The following PHLPP1 variants were observed in gnomAD, a reference collection of about 807,000 sequenced individuals.
PHLPP1 encodes PH domain and leucine rich repeat protein phosphatase 1.
In PHLPP1, 42 loss-of-function variants were observed where a neutral mutation model predicts 117.2. The observed-to-expected ratio is 0.36, with a 90% CI of 0.28 to 0.46. The LOEUF is 0.46. Ranked by LOEUF, PHLPP1 falls within the 20% of genes least tolerant of loss-of-function variation. The pLI is 1.00. For missense variants in PHLPP1, 2,084 were observed against 2,241.9 expected, an observed-to-expected ratio of 0.93 and a Z score of 1.42; for synonymous variants, 1,042 against 970.7, an observed-to-expected ratio of 1.07 and a Z score of -1.37.
At position 62,923,188 on chromosome 18, in the gene PHLPP1, C is replaced by T. The variant is rs74888681; in HGVS notation, c.2960+3074C>T. ...CAGCTGCATTTTTGAAAACAGGGAC[C>T]GTGGGGGACAATTTGCCAGCCTTTG... On this transcript the variant is annotated intron_variant, in intron 10 of 16. Transcript: ENST00000262719. Among the ~76,000 whole-genome samples, 1,520 of 152,154 alleles carry T rather than the reference C, an allele frequency of 1.0e-2. 12 individuals carry two copies. Among genetic ancestry groups the T allele is most frequent in the Non-Finnish European group, 0.016 (1,109 of 67,990 alleles).
intron 8 of PHLPP1, among the ~76,000 whole-genome samples, 200 bp from the exon 9 acceptor site, chr18:62,914,713 C>G (rs1339924989): frequency 6.6e-6 from 1 of 152,218 alleles, no homozygotes; most frequent in Non-Finnish European, 1.5e-5. Context: ...TCTGCCTCTT[C>G]CTTACTTTTT....
chr18:62,884,653 G>GC (rs777487505), intron 4 of PHLPP1, among the ~76,000 whole-genome samples: 2 of 152,202 alleles, frequency 1.3e-5, no homozygotes, highest in Non-Finnish European at 2.9e-5. Context: ...GCTAGCATGT[G>GC]CCCCACAGAG....
intron 3 of PHLPP1, among the ~76,000 whole-genome samples, chr18:62,849,832 A>AAAAAATATATAT (rs1555677083): frequency 6.0e-5 from 2 of 33,076 alleles, no homozygotes; most frequent in Non-Finnish European, 1.1e-4. Flanking sequence ...AAAAAAAAAA[A>AAAAAATATATAT]ATATATATAT....
intron 1 of PHLPP1, among the ~76,000 whole-genome samples, chr18:62,728,481 A>T (rs2122056409): frequency 6.6e-6 from 1 of 151,716 alleles, no homozygotes; most frequent in Non-Finnish European, 1.5e-5. Flanking sequence ...GGTCATTGTG[A>T]AGCACATATG....
At chr18:62,923,934 G>A (rs1352056443) in intron 10 of PHLPP1, among the ~76,000 whole-genome samples, 3 of 152,206 alleles carry the variant, frequency 2.0e-5, no homozygotes, top group Non-Finnish European at 4.4e-5. Flanking sequence ...GTTCAATGTA[G>A]CAGACATCTC....
In PHLPP1 at chr18:62,979,214, G is replaced by A. The variant is rs769779242; in HGVS notation, c.4937G>A (p.Arg1646Gln). The A allele has an allele frequency of 1.1e-5, 18 of 1,610,068 alleles. No homozygotes were observed. The highest frequency in any genetic ancestry group is 1.7e-5 in the Admixed American group (1 of 59,416). ...GAGGTGGCTACAGACGCACCTCTTC[G>A]AAAGCCTGGAGGCTATTTTGCTGCC... ...VIEVATDAPLRKPGGYFAAPA... is the reference protein window; with the variant it reads ...VIEVATDAPLQKPGGYFAAPA... Residue 1646 changes from arginine to glutamine, a missense_variant, in exon 17 of 17, where the codon CGA becomes CAA. Around this residue, in one of 2 missense-constraint regions of PHLPP1, gnomAD observed 1,365 missense variants for 1,605.9 expected, o/e 0.85. Transcript: ENST00000262719.
rs1599062953 is a variant in PHLPP1, at chr18:62,817,743, G to A, written c.1577-12292G>A. Among the ~76,000 whole-genome samples, 5 of 151,504 alleles carry A rather than the reference G, an allele frequency of 3.3e-5. No individual in the cohort carries two copies. In the South Asian group the frequency reaches 6.3e-4, roughly 19 times the overall value. ...CTTGAGCACATGAAACATGAAGTAT[G>A]CTAAGAAGCATAATTAAATTGCTTA... On this transcript the variant is annotated intron_variant, in intron 1 of 16. Transcript: ENST00000262719.
At chr18:62,913,147 C>T (rs1917005104) in intron 8 of PHLPP1, among the ~76,000 whole-genome samples, 1 of 152,166 alleles carries the variant, frequency 6.6e-6, no homozygotes, top group South Asian at 2.1e-4. Flanking sequence ...CGTGCTGTCA[C>T]CTATCACAGT....
At chr18:62,914,316 T>C (rs1568159809) in intron 8 of PHLPP1, among the ~76,000 whole-genome samples, 1 of 152,248 alleles carries the variant, frequency 6.6e-6, no homozygotes, top group Non-Finnish European at 1.5e-5. Flanking sequence ...ATAACACATA[T>C]TCTCCCTGAA....
At chr18:62,765,157 C>T (rs565426786) in intron 1 of PHLPP1, among the ~76,000 whole-genome samples, 1 of 152,278 alleles carries the variant, frequency 6.6e-6, no homozygotes, top group East Asian at 1.9e-4. Flanking sequence ...CCTTTGTCTC[C>T]CTTTTCAGAC....
intron 1 of PHLPP1, among the ~76,000 whole-genome samples, chr18:62,766,076 A>AAAAAAATAAATATATATATATATATAT: frequency 4.6e-5 from 1 of 21,648 alleles, no homozygotes; most frequent in Non-Finnish European, 8.5e-5. Context: ...AAAAAAAAAA[A>AAAAAAATAAATATATATATATATATAT]ATATATATAT....
At chr18:62,863,697 C>T (rs1915691913) in intron 4 of PHLPP1, among the ~76,000 whole-genome samples, 1 of 152,158 alleles carries the variant, frequency 6.6e-6, no homozygotes, top group African/African-American at 2.4e-5. Flanking sequence ...CATGCTAATG[C>T]ATTATAATCA....
chr18:62,840,823 C>T (rs569735827), intron 3 of PHLPP1, among the ~76,000 whole-genome samples: 4 of 152,150 alleles, frequency 2.6e-5, no homozygotes, highest in Non-Finnish European at 5.9e-5. Flanking sequence ...GATGTATTAC[C>T]ACAATATATC....
intron 4 of PHLPP1, among the ~76,000 whole-genome samples, chr18:62,887,986 C>G (rs1183035544): frequency 6.6e-6 from 1 of 152,122 alleles, no homozygotes; most frequent in Non-Finnish European, 1.5e-5. Context: ...ACAGTCCTCC[C>G]TCCTTTGTTT....
At chr18:62,767,182 A>C (rs1045385683) in intron 1 of PHLPP1, among the ~76,000 whole-genome samples, 81 of 152,206 alleles carry the variant, frequency 5.3e-4, no homozygotes, top group Non-Finnish European at 3.2e-4. Context: ...TATGGAAAGG[A>C]GACAATATCA....
At chr18:62,787,627 T>A (rs1913332409) in intron 1 of PHLPP1, among the ~76,000 whole-genome samples, 1 of 152,238 alleles carries the variant, frequency 6.6e-6, no homozygotes, top group Admixed American at 6.5e-5. Context: ...ACAGTTTCTT[T>A]CTGAACCTAT....
chr18:62,892,948 C>T (rs1249769612), intron 4 of PHLPP1, among the ~76,000 whole-genome samples: 1 of 151,932 alleles, frequency 6.6e-6, no homozygotes, highest in East Asian at 1.9e-4. Context: ...TGGGGTCCCC[C>T]AAGCATGCTT....
intron 9 of PHLPP1, among the ~76,000 whole-genome samples, chr18:62,916,776 C>G (rs563962195): frequency 2.9e-5 from 2 of 69,792 alleles, no homozygotes; most frequent in South Asian, 9.8e-4. Context: ...TTTTTTGAGA[C>G]AGAGTCTCAG....
At chr18:62,871,789 C>T (rs866417763) in intron 4 of PHLPP1, among the ~76,000 whole-genome samples, 19 of 151,840 alleles carry the variant, frequency 1.3e-4, no homozygotes, top group Non-Finnish European at 2.2e-4. Flanking sequence ...GGATTACAGG[C>T]ACGCGCCACC....
Sources: gnomAD v4.1 joint callset for allele counts (sites outside exome capture counted in the v4.1 genomes callset) on GRCh38, gnomAD v4.1.1 for gene constraint, gnomAD v4.1.1 regional missense constraint, MANE v1.5 for transcripts, NCBI Gene and HGNC (gene_info 2026-07-23, HGNC 2026-07-21) for gene names.